GALNT11: variants seen among roughly 807,000 people sequenced by gnomAD.
The protein encoded by GALNT11 is polypeptide N-acetylgalactosaminyltransferase 11.
In GALNT11, 47 loss-of-function variants were observed where a neutral mutation model predicts 72.7. That is an observed-to-expected ratio of 0.65 (90% CI 0.51 to 0.82). GALNT11 has a LOEUF of 0.82. Ranked by LOEUF, GALNT11 falls within the 40% of genes least tolerant of loss-of-function variation. The pLI, the probability that GALNT11 is intolerant of heterozygous loss-of-function variation, is 0.00. For synonymous variants in GALNT11, 270 were observed against 286.6 expected, an observed-to-expected ratio of 0.94 and a Z score of 0.58; for missense variants, 677 against 778.4, an observed-to-expected ratio of 0.87 and a Z score of 1.55.
chr7:152,118,947 AT>A, intron 10 of GALNT11, 165 bp downstream of exon 10: 2 of 504,108 alleles, frequency 4.0e-6, no homozygotes, highest in Non-Finnish European at 6.7e-6. Context: ...TATGGGGGTT[AT>A]CTATATCCTA....
At chr7:152,063,426 T>C (rs998393158) in intron 1 of GALNT11, among the ~76,000 whole-genome samples, 2 of 152,206 alleles carry the variant, frequency 1.3e-5, no homozygotes, top group Non-Finnish European at 2.9e-5. Context: ...CTGGATTCAT[T>C]GATTTTTTTG....
At chr7:152,042,595 T>A (rs1031233443) in intron 1 of GALNT11, among the ~76,000 whole-genome samples, 3 of 152,176 alleles carry the variant, frequency 2.0e-5, no homozygotes. Flanking sequence ...GGCAGGAACT[T>A]TGTCTTTCCA....
intron 2 of GALNT11, among the ~76,000 whole-genome samples, chr7:152,097,261 T>C (rs1021870570): frequency 3.9e-5 from 6 of 152,194 alleles, no homozygotes; most frequent in Non-Finnish European, 8.8e-5. Flanking sequence ...CTTAATATAA[T>C]TAGTGATTAC....
At chr7:152,078,705 T>C (rs534844095) in intron 1 of GALNT11, among the ~76,000 whole-genome samples, 23 of 152,350 alleles carry the variant, frequency 1.5e-4, no homozygotes, top group Admixed American at 9.8e-4. Context: ...AGAATTCTGC[T>C]GAGAGTAAGT....
intron 3 of GALNT11, among the ~76,000 whole-genome samples, chr7:152,101,629 C>T (rs1267881006): frequency 1.5e-5 from 2 of 130,236 alleles, no homozygotes; most frequent in Non-Finnish European, 3.1e-5. Context: ...TCTCTAAGTT[C>T]ATGGCTTTTT....
intron 7 of GALNT11, among the ~76,000 whole-genome samples, chr7:152,111,913 T>C (rs2088260875): frequency 6.6e-6 from 1 of 152,126 alleles, no homozygotes; most frequent in Non-Finnish European, 1.5e-5. Context: ...CATCACCCCA[T>C]GTATAGCTTA....
At chr7:152,026,334 G>A (rs2151969275) in intron 1 of GALNT11, among the ~76,000 whole-genome samples, 1 of 152,386 alleles carries the variant, frequency 6.6e-6, no homozygotes, top group South Asian at 2.1e-4. Flanking sequence ...CTAAGCCAAA[G>A]TCAAGCTGGG....
At chr7:152,057,483 T>A (rs2083751952) in intron 1 of GALNT11, among the ~76,000 whole-genome samples, 1 of 151,938 alleles carries the variant, frequency 6.6e-6, no homozygotes. Flanking sequence ...AATTTTGTAT[T>A]TTTAGTAGAG....
At chr7:152,113,203 C>A (rs1381985711) in intron 7 of GALNT11, 43 bp from the exon 8 acceptor site, 3 of 1,545,630 alleles carry the variant, frequency 1.9e-6, no homozygotes, top group African/African-American at 1.4e-5. Flanking sequence ...GGTTTCACAA[C>A]AACATGAGGC....
intron 4 of GALNT11, chr7:152,103,861 C>T (rs541190133): frequency 1.2e-4 from 19 of 153,842 alleles, no homozygotes; most frequent in African/African-American, 3.4e-4. Context: ...TGGAATCACA[C>T]GGTATGTGAC....
At chr7:152,049,914 G>A (rs114698173) in intron 1 of GALNT11, among the ~76,000 whole-genome samples, 4 of 152,046 alleles carry the variant, frequency 2.6e-5, no homozygotes, top group Non-Finnish European at 5.9e-5. Flanking sequence ...GGCAAGTACT[G>A]CCTGGCTACT....
intron 1 of GALNT11, among the ~76,000 whole-genome samples, chr7:152,093,800 G>GTTCT (rs1368281700): frequency 7.9e-5 from 12 of 152,186 alleles, no homozygotes; most frequent in Admixed American, 7.9e-4. Context: ...GAATCTTGCA[G>GTTCT]TTCTTTGGTT....
chr7:152,121,187 G>T (rs1477963732), intron 11 of GALNT11, among the ~76,000 whole-genome samples: 1 of 152,162 alleles, frequency 6.6e-6, no homozygotes, highest in Non-Finnish European at 1.5e-5. Flanking sequence ...ACAGTAAGAG[G>T]TTCACAACAA....
In GALNT11 at chr7:152,064,821, C is replaced by A. The variant is rs563282430; in HGVS notation, c.-38-29369C>A. Among the ~76,000 whole-genome samples the A allele has an allele frequency of 3.6e-4, 55 of 152,308 alleles. No individual in the cohort carries two copies. In the East Asian group the frequency reaches 0.011, roughly 29 times the overall value. On this transcript the variant is annotated intron_variant, in intron 1 of 11. Transcript: ENST00000430044. Reference sequence around the variant, plus strand: ...CTTGTAGAGTTTCTGCTGAGAGATCCGCTGTTAGTCTGATGGGCTTCCCTT... The same window carrying A: ...CTTGTAGAGTTTCTGCTGAGAGATCAGCTGTTAGTCTGATGGGCTTCCCTT...
At position 152,120,913 on chromosome 7, in the gene GALNT11, C is replaced by T. The variant is rs761623441; in HGVS notation, c.1640C>T (p.Pro547Leu). Residue 547 changes from proline to leucine, a missense_variant, in exon 11 of 12, where the codon CCG becomes CTG. Physicochemically the swap from Pro to Leu is moderately conservative, Grantham distance 98. Coordinates refer to ENST00000430044, the MANE Select transcript of GALNT11 (RefSeq NM_022087.4). ...ATGTCAGAGACTCGCTCATCAGACC[C>T]GCCACGGCTCATGAAATGCCACGGG... ...LDMSETRSSD[P>L]PRLMKCHGSG... The T allele has an allele frequency of 1.7e-5, 28 of 1,613,852 alleles. No homozygotes were observed. Among genetic ancestry groups the T allele is most frequent in the East Asian group, 8.9e-5 (4 of 44,882 alleles).
chr7:152,109,361 G>A (rs367579813), intron 6 of GALNT11, among the ~76,000 whole-genome samples: 30 of 152,184 alleles, frequency 2.0e-4, no homozygotes, highest in Non-Finnish European at 8.8e-5. Context: ...GGCATTCACC[G>A]TTTCAGACAG....
chr7:152,043,005 A>G (rs1652346086), intron 1 of GALNT11, among the ~76,000 whole-genome samples: 1 of 152,144 alleles, frequency 6.6e-6, no homozygotes, highest in Non-Finnish European at 1.5e-5. Flanking sequence ...CACAGGTAGG[A>G]TATTTATCAG....
At chr7:152,107,766 T>G in intron 5 of GALNT11, 1 of 302,986 alleles carries the variant, frequency 3.3e-6, no homozygotes. Flanking sequence ...ACTGAAGAGA[T>G]TCTGAATTGC....
intron 4 of GALNT11, 121 bp downstream of exon 4, chr7:152,103,399 C>A: frequency 1.1e-6 from 1 of 938,120 alleles, no homozygotes. Flanking sequence ...CGTGCAGTCA[C>A]AGCTGGGCTG....
Sources: allele counts gnomAD v4.1 joint callset (sites outside exome capture counted in the v4.1 genomes callset), GRCh38; gene constraint gnomAD v4.1.1; transcripts MANE v1.5; gene names NCBI Gene and HGNC (gene_info 2026-07-23, HGNC 2026-07-21).